ARMC3: variants seen among roughly 807,000 people sequenced by gnomAD.
ARMC3 encodes armadillo repeat-containing protein 3.
Under a neutral mutation model 90.3 loss-of-function variants are expected in ARMC3, and 74 were observed. That is an observed-to-expected ratio of 0.82 (90% CI 0.68 to 0.99). The LOEUF (loss-of-function observed/expected upper bound fraction) is 0.99, where lower values mean the gene tolerates loss of function less well. Ranked by LOEUF, ARMC3 falls within the 50% of genes least tolerant of loss-of-function variation. The probability of loss-of-function intolerance (pLI) is 0.00; values close to 1 mark genes in which losing one functional copy is unlikely to be tolerated. For synonymous variants in ARMC3, 334 were observed against 361.8 expected (o/e 0.92, Z 0.87); for missense variants, 958 against 1,042.8 (o/e 0.92, Z 1.12).
In ARMC3 at chr10:22,959,391, A is replaced by T; in HGVS notation, c.362-8A>T. On this transcript the variant is annotated splice_region_variant and splice_polypyrimidine_tract_variant and intron_variant, in intron 5 of 18. Transcript: ENST00000298032. ...GGCATACTTGTGTTATTTATTTTTG[A>T]TACACAGAAGAAGTAGTTATCCATG... The T allele has an allele frequency of 6.3e-7, 1 of 1,592,036 alleles. No homozygotes were observed. Among genetic ancestry groups the T allele is most frequent in the Middle Eastern group, 1.7e-4 (1 of 5,752 alleles).
At chr10:22,958,130 T>C (rs1256135590) in intron 4 of ARMC3, among the ~76,000 whole-genome samples, 1 of 152,168 alleles carries the variant, frequency 6.6e-6, no homozygotes, top group Non-Finnish European at 1.5e-5. Context: ...AAGTAGGATA[T>C]ATATCTCAAA....
At chr10:22,939,034 T>C (rs1365973598) in intron 2 of ARMC3, among the ~76,000 whole-genome samples, 2 of 152,142 alleles carry the variant, frequency 1.3e-5, no homozygotes, top group Non-Finnish European at 2.9e-5. Context: ...TTTTGGTAAG[T>C]CACTGAGGGT....
intron 10 of ARMC3, among the ~76,000 whole-genome samples, chr10:22,987,408 G>T (rs545117419): frequency 6.6e-6 from 1 of 152,140 alleles, no homozygotes; most frequent in Non-Finnish European, 1.5e-5. Flanking sequence ...AGGGTTCAGT[G>T]TTTTTCACTT....
chr10:22,934,008 A>G (rs1834028625), intron 2 of ARMC3, among the ~76,000 whole-genome samples: 2 of 152,216 alleles, frequency 1.3e-5, no homozygotes, highest in Non-Finnish European at 2.9e-5. Context: ...AATTTACAGT[A>G]TCTTAACCTG....
At chr10:22,951,720 A>G (rs988730856) in intron 3 of ARMC3, among the ~76,000 whole-genome samples, 2 of 152,246 alleles carry the variant, frequency 1.3e-5, no homozygotes, top group Non-Finnish European at 2.9e-5. Flanking sequence ...AAATTAAAAC[A>G]CAGCAAAAGT....
intron 10 of ARMC3, among the ~76,000 whole-genome samples, chr10:22,984,436 G>T (rs562333556): frequency 6.6e-6 from 1 of 151,938 alleles, no homozygotes; most frequent in Non-Finnish European, 1.5e-5. Flanking sequence ...TTGTGGTAAC[G>T]CTTTTTGTAA....
Position 23,037,378 on chromosome 10 carries a change from G to T in ARMC3, c.2518G>T (p.Gly840Cys), listed in dbSNP as rs1182513993. 2 of 1,613,848 alleles carry T rather than the reference G, an allele frequency of 1.2e-6. No individual in the cohort carries two copies. Among genetic ancestry groups the T allele is most frequent in the Non-Finnish European group, 1.7e-6 (2 of 1,179,912 alleles). ...QNDSRKGVIGGLPAPEMYVID... is the reference protein window; with the variant it reads ...QNDSRKGVIGCLPAPEMYVID... ...TGACTCTCGGAAGGGAGTGATTGGGGGCCTCCCCGCTCCTGAGATGTACGT... is the reference window on the plus strand; with the variant it reads ...TGACTCTCGGAAGGGAGTGATTGGGTGCCTCCCCGCTCCTGAGATGTACGT... The change falls in exon 19 of 19, where the codon GGC becomes TGC. Residue 840 changes from glycine (G) to cysteine (C), a missense_variant. Physicochemically the swap from Gly to Cys is radical, Grantham distance 159 (BLOSUM62 -3). Coordinates refer to ENST00000298032, the MANE Select transcript of ARMC3 (RefSeq NM_173081.5).
chr10:22,929,422 A>G (rs1270521921), intron 1 of ARMC3, among the ~76,000 whole-genome samples: 2 of 152,182 alleles, frequency 1.3e-5, no homozygotes, highest in Non-Finnish European at 2.9e-5. Context: ...TTGTTTTCCA[A>G]ATTCTCCACA....
chr10:22,941,519 A>G (rs866346425), intron 2 of ARMC3, among the ~76,000 whole-genome samples: 1 of 152,196 alleles, frequency 6.6e-6, no homozygotes, highest in African/African-American at 2.4e-5. Context: ...TAGGAGATTG[A>G]GTTATCTAAT....
chr10:23,033,548 G>A lies in ARMC3; in HGVS notation c.2409+525G>A, dbSNP rs114298864. Among the ~76,000 whole-genome samples the A allele has an allele frequency of 9.0e-3, 1,368 of 152,336 alleles. 22 individuals are homozygous for A. The highest frequency in any genetic ancestry group is 0.031 in the African/African-American group (1,297 of 41,582). On this transcript the variant is annotated intron_variant, in intron 18 of 18. Transcript: ENST00000298032. ...TATGAGAATCAGTGATCTATCTGAGGAAGGGTAGAATAGTTTGTGTGCATG... is the reference window on the plus strand; with the variant it reads ...TATGAGAATCAGTGATCTATCTGAGAAAGGGTAGAATAGTTTGTGTGCATG...
intron 10 of ARMC3, among the ~76,000 whole-genome samples, chr10:22,987,789 T>G (rs1836519147): frequency 6.6e-6 from 1 of 152,228 alleles, no homozygotes; most frequent in Admixed American, 6.5e-5. Context: ...CTTTTTATTT[T>G]TTATTTTTTG....
intron 10 of ARMC3, among the ~76,000 whole-genome samples, chr10:22,993,163 C>G (rs1013062993): frequency 6.6e-6 from 1 of 152,196 alleles, no homozygotes; most frequent in Admixed American, 6.5e-5. Flanking sequence ...ATTCATGTTA[C>G]TAGACTTTGC....
At chr10:22,971,347 G>GAT (rs1835675585) in intron 8 of ARMC3, among the ~76,000 whole-genome samples, 2 of 151,918 alleles carry the variant, frequency 1.3e-5, no homozygotes, top group African/African-American at 4.8e-5. Flanking sequence ...TAAGAATGTG[G>GAT]GTATACAGAT....
At position 23,037,266 on chromosome 10, in the gene ARMC3, G is replaced by A; in HGVS notation, c.2410-4G>A. 1 of 1,575,390 alleles carries A rather than the reference G, an allele frequency of 6.3e-7. No individual in the cohort carries two copies. Among genetic ancestry groups the A allele is most frequent in the Non-Finnish European group, 8.7e-7 (1 of 1,155,684 alleles). On this transcript the variant is annotated splice_polypyrimidine_tract_variant and splice_region_variant and intron_variant, in intron 18 of 18. Transcript: ENST00000298032. The stretch of plus-strand genomic sequence containing the variant: ...CTTGGTTGATCTCTTGTTTTCTCCT[G>A]CAGGCTCTGGCTGATAGAATTGGCA...
intron 10 of ARMC3, among the ~76,000 whole-genome samples, chr10:22,982,896 C>G (rs1222975131): frequency 2.6e-5 from 4 of 152,146 alleles, no homozygotes; most frequent in African/African-American, 7.2e-5. Context: ...TTATAAGATC[C>G]TAATGCAATG....
intron 8 of ARMC3, among the ~76,000 whole-genome samples, chr10:22,970,731 T>C (rs1835648107): frequency 6.6e-6 from 1 of 152,124 alleles, no homozygotes; most frequent in Non-Finnish European, 1.5e-5. Context: ...ATGACTATGT[T>C]GGTTGAAAGA....
At chr10:23,030,486 A>C (rs1005427121) in intron 16 of ARMC3, 110 bp from the exon 17 acceptor site, 4 of 1,479,576 alleles carry the variant, frequency 2.7e-6, no homozygotes, top group East Asian at 2.5e-5. Flanking sequence ...CATGTTGCTC[A>C]AGGGTTCACT....
At chr10:22,964,466 G>T in intron 7 of ARMC3, among the ~76,000 whole-genome samples, 1 of 146,842 alleles carries the variant, frequency 6.8e-6, no homozygotes. Context: ...TTGAGATGGA[G>T]CCTTGCTCTG....
chr10:22,947,344 A>T (rs1834572396), intron 3 of ARMC3, among the ~76,000 whole-genome samples: 1 of 151,712 alleles, frequency 6.6e-6, no homozygotes, highest in African/African-American at 2.4e-5. Context: ...AAAACAGAAA[A>T]CAAACCACCA....
Sources: gnomAD v4.1 joint callset for allele counts (sites outside exome capture counted in the v4.1 genomes callset) on GRCh38, gnomAD v4.1.1 for gene constraint, MANE v1.5 for transcripts, NCBI Gene and HGNC (gene_info 2026-07-23, HGNC 2026-07-21) for gene names.